ZNF224: variants seen among roughly 807,000 people sequenced by gnomAD.
The protein encoded by ZNF224 is zinc finger protein 224.
ZNF224 carries 8 observed loss-of-function variants against 10.5 expected under a neutral mutation model. The ratio of observed to expected loss-of-function variants is 0.76; its 90% confidence interval spans 0.45 to 1.37. The LOEUF is 1.37. Ranked by LOEUF, ZNF224 falls within the 40% of genes most tolerant of loss-of-function variation. The pLI is 0.00. For synonymous variants in ZNF224, 282 were observed against 287.8 expected (o/e 0.98, Z 0.20); for missense variants, 754 against 854.0 (o/e 0.88, Z 1.46).
intron 5 of ZNF224, 41 bp downstream of exon 5, chr19:44,101,266 A>G (rs369072079): frequency 2.2e-5 from 35 of 1,586,186 alleles, no homozygotes; most frequent in African/African-American, 1.2e-4. Context: ...TGTCTCTTCC[A>G]CCTGTTTCAC....
rs185105764 is a variant in ZNF224, at chr19:44,109,133, A to G, written c.*849A>G. The G allele has an allele frequency of 3.8e-3, 606 of 157,820 alleles. 9 individuals are homozygous for G. The highest frequency in any genetic ancestry group is 0.016 in the Middle Eastern group (5 of 304). 9.8% of individuals were successfully genotyped at this position (157,820 alleles called of 1,614,324 possible). On this transcript the variant is annotated 3_prime_UTR_variant, in exon 6 of 6. Coordinates refer to ENST00000693561, the MANE Select transcript of ZNF224 (RefSeq NM_001321645.3). ...CTGAAAAGGTTTGGTTAATTTTGCA[A>G]TAACAGACCACTGCATATTTCACAA...
At position 44,107,698 on chromosome 19, in the gene ZNF224, A is replaced by T; in HGVS notation, c.1538A>T (p.Lys513Ile). The T allele has an allele frequency of 6.2e-7, 1 of 1,614,012 alleles. No homozygotes were observed. The highest frequency in any genetic ancestry group is 8.5e-7 in the Non-Finnish European group (1 of 1,179,994). The part of the protein sequence containing the change: ...QRVHTGEKPY[K>I]CEKCGKGYNS... ...GTTCACACTGGAGAAAAGCCATACAAATGTGAGAAGTGTGGAAAGGGCTAC... is the reference window on the plus strand; with the variant it reads ...GTTCACACTGGAGAAAAGCCATACATATGTGAGAAGTGTGGAAAGGGCTAC... The change falls in exon 6 of 6, where the codon AAA (lysine) becomes ATA (isoleucine). Residue 513 changes from lysine to isoleucine, a missense_variant. Physicochemically the swap from Lys to Ile is moderately radical, Grantham distance 102. Coordinates refer to ENST00000693561, the MANE Select transcript of ZNF224 (RefSeq NM_001321645.3).
rs780919450 is a variant in ZNF224 at position 44,107,455 on chromosome 19, AGT to A, written c.1299_1300del (p.Cys433TrpfsTer11). On this transcript the variant is annotated frameshift_variant, in exon 6 of 6. Coordinates refer to ENST00000693561, the MANE Select transcript of ZNF224 (RefSeq NM_001321645.3). LOFTEE classifies it low-confidence loss of function (END_TRUNC). ...GGAGAAAAACCATACAAATGTGTGG[AGT>A]GTGGGAAGGGCTACAAAAGGAGGTT... 4 of 1,607,466 alleles carry A rather than the reference AGT, an allele frequency of 2.5e-6. No individual in the cohort carries two copies. The highest frequency in any genetic ancestry group is 4.5e-5 in the East Asian group (2 of 44,858).
rs754549187 is a variant in ZNF224 at position 44,097,851 on chromosome 19, AG to A, written c.-22del. ...GAACTGCATCACTCAGGACTCTGCA[AG>A]TTTCCAGAAGTAAGAGGGAAAATGA... On this transcript the variant is annotated 5_prime_UTR_variant, in exon 3 of 6. Transcript: ENST00000693561. 1 of 1,613,876 alleles carries A rather than the reference AG, an allele frequency of 6.2e-7. No individual in the cohort carries two copies. Among genetic ancestry groups the A allele is most frequent in the South Asian group, 1.1e-5 (1 of 91,008 alleles).
In ZNF224 at chr19:44,107,252, G is replaced by A; in HGVS notation, c.1092G>A (p.Met364Ile). 2 of 1,590,158 alleles carry A rather than the reference G, an allele frequency of 1.3e-6. No homozygotes were observed. Among genetic ancestry groups the A allele is most frequent in the Non-Finnish European group, 1.7e-6 (2 of 1,168,378 alleles). ...GGCGAGATCTTTATACGCATCATAT[G>A]GTCCACACGGGAGAAAAGCCATATA... is the stretch of plus-strand genomic sequence containing the variant. ...ICRRDLYTHHMVHTGEKPYNC... is the reference protein window; with the variant it reads ...ICRRDLYTHHIVHTGEKPYNC... The change falls in exon 6 of 6, where the codon ATG (methionine) becomes ATA (isoleucine). Residue 364 changes from methionine to isoleucine, a missense_variant. Met to Ile is a conservative substitution (Grantham distance 10, BLOSUM62 1). Coordinates refer to ENST00000693561, the MANE Select transcript of ZNF224 (RefSeq NM_001321645.3).
At chr19:44,105,256 A>G (rs915407821) in intron 5 of ZNF224, 2 of 152,232 alleles carry the variant, frequency 1.3e-5, no homozygotes, top group Non-Finnish European at 2.9e-5. Flanking sequence ...CCTGAGGAAA[A>G]CATCTAGACC....
Position 44,107,062 on chromosome 19 carries a change from CAA to C in ZNF224, c.903_904del (p.Arg302ThrfsTer2). The C allele has an allele frequency of 6.2e-7, 1 of 1,601,546 alleles. No individual in the cohort carries two copies. On this transcript the variant is annotated frameshift_variant, in exon 6 of 6. Transcript: ENST00000693561. LOFTEE classifies it low-confidence loss of function (END_TRUNC). ...TGTGGTAAGAGCTTCTGTGGTAGAT[CAA>C]GACTTAATAGGCATTCCATGGTTCA...
rs764612404 is a variant in ZNF224 at position 44,097,862 on chromosome 19, G to A, written c.-12G>A. On this transcript the variant is annotated 5_prime_UTR_variant, in exon 3 of 6. Coordinates refer to ENST00000693561, the MANE Select transcript of ZNF224 (RefSeq NM_001321645.3). ...CTCAGGACTCTGCAAGTTTCCAGAA[G>A]TAAGAGGGAAAATGACCACGTTCAA... 1.2e-6 allele frequency: 2 copies of A among 1,614,012 alleles called. No individual in the cohort carries two copies. The highest frequency in any genetic ancestry group is 1.7e-6 in the Non-Finnish European group (2 of 1,179,970).
In ZNF224 at chr19:44,107,102, AC is replaced by A. The variant is rs757929936; in HGVS notation, c.944del (p.Pro315HisfsTer22). The A allele has an allele frequency of 6.2e-7, 1 of 1,603,388 alleles. No homozygotes were observed. ...ATTCCATGGTTCACACGGCAGAGAA[AC>A]CATTCCGATGTGATACGTGTGATAA... is the stretch of plus-strand genomic sequence containing the variant. The part of the protein sequence containing the change: ...RHSMVHTAEK[P>X]FRCDTCDKSF... On this transcript the variant is annotated frameshift_variant, in exon 6 of 6. Coordinates refer to ENST00000693561, the MANE Select transcript of ZNF224 (RefSeq NM_001321645.3). LOFTEE classifies it low-confidence loss of function (END_TRUNC).
At chr19:44,097,930 A>G in intron 3 of ZNF224, 42 bp downstream of exon 3, 1 of 1,611,376 alleles carries the variant, frequency 6.2e-7, no homozygotes, top group Non-Finnish European at 8.5e-7. Flanking sequence ...ATTCCCTCTC[A>G]GTACTTAAAT....
intron 5 of ZNF224, among the ~76,000 whole-genome samples, chr19:44,103,760 A>T (rs1051841696): frequency 6.6e-6 from 1 of 151,936 alleles, no homozygotes; most frequent in Non-Finnish European, 1.5e-5. Context: ...GCATGATCTC[A>T]GCTCACAGCA....
At chr19:44,099,400 C>T (rs1368931113) in intron 3 of ZNF224, among the ~76,000 whole-genome samples, 1 of 151,958 alleles carries the variant, frequency 6.6e-6, no homozygotes, top group Non-Finnish European at 1.5e-5. Flanking sequence ...AAACAAGATA[C>T]AATCCAAAAT....
In ZNF224 at chr19:44,107,465, G is replaced by C; in HGVS notation, c.1305G>C (p.Lys435Asn). 1 of 1,606,842 alleles carries C rather than the reference G, an allele frequency of 6.2e-7. No individual in the cohort carries two copies. The highest frequency in any genetic ancestry group is 8.5e-7 in the Non-Finnish European group (1 of 1,176,894). The part of the protein sequence containing the change: ...EKPYKCVECG[K>N]GYKRRLDLDF... ...CATACAAATGTGTGGAGTGTGGGAA[G>C]GGCTACAAAAGGAGGTTGGATCTTG... is the stretch of plus-strand genomic sequence containing the variant. Residue 435 changes from lysine (K) to asparagine (N), a missense_variant, in exon 6 of 6, where the codon AAG becomes AAC. Lys to Asn is a moderately conservative substitution (Grantham distance 94). Transcript: ENST00000693561.
intron 3 of ZNF224, among the ~76,000 whole-genome samples, chr19:44,100,587 C>T (rs1417024804): frequency 2.0e-5 from 3 of 152,120 alleles, no homozygotes; most frequent in African/African-American, 7.2e-5. Context: ...AGTAAAAATA[C>T]AGGAAGTCTT....
At chr19:44,097,039 T>A in intron 2 of ZNF224, 1 of 225,352 alleles carries the variant, frequency 4.4e-6, no homozygotes, top group South Asian at 5.5e-5. Flanking sequence ...GATCTCAACC[T>A]TGTCCACTTG....
Position 44,107,578 on chromosome 19 carries a change from A to T in ZNF224, c.1418A>T (p.Lys473Ile). 6.2e-7 allele frequency: 1 copy of T among 1,613,792 alleles called. No homozygotes were observed. The highest frequency in any genetic ancestry group is 2.2e-5 in the East Asian group (1 of 44,878). The change falls in exon 6 of 6, where the codon AAA becomes ATA. Residue 473 changes from lysine to isoleucine, a missense_variant. By Grantham distance (102) the Lys-to-Ile change is moderately radical. Coordinates refer to ENST00000693561, the MANE Select transcript of ZNF224 (RefSeq NM_001321645.3). ...KSFSRAPCLL[K>I]HERLHSGEKP... The stretch of plus-strand genomic sequence containing the variant: ...TTTAGTCGGGCCCCATGTCTTTTGA[A>T]ACATGAGAGACTCCACAGTGGAGAA...
chr19:44,098,814 G>T (rs1001656313), intron 3 of ZNF224, among the ~76,000 whole-genome samples: 1 of 152,108 alleles, frequency 6.6e-6, no homozygotes, highest in African/African-American at 2.4e-5. Flanking sequence ...CCCGACCTCA[G>T]GTGATCCACC....
chr19:44,101,702 T>C (rs1258637058), intron 5 of ZNF224, among the ~76,000 whole-genome samples: 2 of 152,322 alleles, frequency 1.3e-5, no homozygotes, highest in South Asian at 4.1e-4. Context: ...AAACATTTAT[T>C]ATTTTTGTGT....
At position 44,109,402 on chromosome 19, in the gene ZNF224, A is replaced by T. The variant is rs1208385449; in HGVS notation, c.*1118A>T. Reference sequence around the variant, plus strand: ...CAACCTTCTTATCCAATATTCTTCCACCAACGCTATGAAACAGGAAGAGAA... The same window carrying T: ...CAACCTTCTTATCCAATATTCTTCCTCCAACGCTATGAAACAGGAAGAGAA... On this transcript the variant is annotated 3_prime_UTR_variant, in exon 6 of 6. Coordinates refer to ENST00000693561, the MANE Select transcript of ZNF224 (RefSeq NM_001321645.3). The T allele has an allele frequency of 6.6e-6, 1 of 151,954 alleles. No homozygotes were observed. The highest frequency in any genetic ancestry group is 1.5e-5 in the Non-Finnish European group (1 of 68,002). The allele number at this position is 151,954 out of a possible 1,614,324, so 9.4% of individuals were successfully genotyped here. A position where few individuals can be genotyped will look rare whatever the true frequency, so the allele number is the denominator to read the frequency against.
Sources: gnomAD v4.1 joint callset for allele counts (sites outside exome capture counted in the v4.1 genomes callset) on GRCh38, gnomAD v4.1.1 for gene constraint, MANE v1.5 for transcripts, NCBI Gene and HGNC (gene_info 2026-07-23, HGNC 2026-07-21) for gene names.